The following ADNP variants were observed in gnomAD, a reference collection of about 807,000 sequenced individuals.
ADNP encodes activity dependent neuroprotector homeobox, also known as activity-dependent neuroprotector homeobox protein.
In ADNP, 4 loss-of-function variants were observed where a neutral mutation model predicts 84.9. The ratio of observed to expected loss-of-function variants is 0.05; its 90% confidence interval spans 0.02 to 0.11. ADNP has a LOEUF of 0.11. Among genes scored for constraint, ADNP ranks in the 10% least tolerant of loss-of-function variants. ADNP has a pLI of 1.00. For synonymous variants in ADNP, 554 were observed against 468.1 expected (o/e 1.18, Z -2.37); for missense variants, 1,132 against 1,326.0 (o/e 0.85, Z 2.27).
chr20:50,912,514 A>G (rs542004222), intron 2 of ADNP, among the ~76,000 whole-genome samples: 1 of 152,326 alleles, frequency 6.6e-6, no homozygotes, highest in South Asian at 2.1e-4. Flanking sequence ...TGAAATATAA[A>G]AAAGATAAAA....
chr20:50,900,014 G>C (rs984791005), intron 5 of ADNP, among the ~76,000 whole-genome samples: 3 of 151,884 alleles, frequency 2.0e-5, no homozygotes, highest in Admixed American at 6.6e-5. Flanking sequence ...CAGAAGTTAA[G>C]AATTTTAAAG....
intron 5 of ADNP, among the ~76,000 whole-genome samples, chr20:50,899,867 ATTTTTTTTTT>A (rs142777741): frequency 7.6e-6 from 1 of 131,282 alleles, no homozygotes; most frequent in Non-Finnish European, 1.6e-5. Flanking sequence ...CAGCTGTACA[ATTTTTTTTTT>A]TTTTTTTTTT....
At chr20:50,927,646 T>G (rs1168374432) in intron 2 of ADNP, among the ~76,000 whole-genome samples, 1 of 152,006 alleles carries the variant, frequency 6.6e-6, no homozygotes, top group African/African-American at 2.4e-5. Flanking sequence ...TTCTCCTGCC[T>G]CAGCCTCCCA....
intron 2 of ADNP, among the ~76,000 whole-genome samples, chr20:50,917,400 G>A (rs1382975435): frequency 6.6e-6 from 1 of 152,172 alleles, no homozygotes; most frequent in African/African-American, 2.4e-5. Flanking sequence ...CACCATGGAG[G>A]CCAAGAGTCA....
intron 2 of ADNP, among the ~76,000 whole-genome samples, chr20:50,917,482 C>T (rs1171529184): frequency 1.3e-5 from 2 of 152,222 alleles, no homozygotes; most frequent in African/African-American, 4.8e-5. Flanking sequence ...ATGAAAACCA[C>T]AACCTTGGTA....
Position 50,890,252 on chromosome 20 carries a change from T to C in ADNP, c.*1153A>G, listed in dbSNP as rs535535633. 1.5e-5 allele frequency: 3 copies of C among 196,216 alleles called. No homozygotes were observed. Among genetic ancestry groups the C allele is most frequent in the Non-Finnish European group, 3.1e-5 (3 of 97,234 alleles). 12.2% of individuals were successfully genotyped at this position (196,216 alleles called of 1,614,324 possible). On this transcript the variant is annotated 3_prime_UTR_variant, in exon 6 of 6. Transcript: ENST00000621696. ...GTTTTCCACAAGTTTCCTCTGTGAC[T>C]GTGGCTGCCATCTCTGATGAAAGAG...
At chr20:50,910,014 T>C (rs1384528397) in intron 2 of ADNP, among the ~76,000 whole-genome samples, 1 of 152,188 alleles carries the variant, frequency 6.6e-6, no homozygotes, top group Non-Finnish European at 1.5e-5. Flanking sequence ...CGTTTCTGCC[T>C]AAGCTAAGTT....
intron 2 of ADNP, among the ~76,000 whole-genome samples, chr20:50,924,595 G>C (rs1177273179): frequency 6.6e-6 from 1 of 152,228 alleles, no homozygotes; most frequent in South Asian, 2.1e-4. Context: ...AGAAAATTGG[G>C]AATAGTTTAT....
At position 50,889,242 on chromosome 20, in the gene ADNP, C is replaced by T. The variant is rs1269516324; in HGVS notation, c.*2163G>A. 1.3e-5 allele frequency: 2 copies of T among 152,192 alleles called. No individual in the cohort carries two copies. The highest frequency in any genetic ancestry group is 2.9e-5 in the Non-Finnish European group (2 of 68,042). The allele number at this position is 152,192 out of a possible 1,614,324, so 9.4% of individuals were successfully genotyped here. A position where few individuals can be genotyped will look rare whatever the true frequency, so the allele number is the denominator to read the frequency against. On this transcript the variant is annotated 3_prime_UTR_variant, in exon 6 of 6. Transcript: ENST00000621696. ...CAACTGGGACCTGGACCCCAAGCCC[C>T]GTGGTGTCTTGTACAAGTCTCATTA...
In ADNP at chr20:50,891,230, A is replaced by G; in HGVS notation, c.*175T>C. 1 of 1,357,472 alleles carries G rather than the reference A, an allele frequency of 7.4e-7. No homozygotes were observed. Among genetic ancestry groups the G allele is most frequent in the Non-Finnish European group, 9.4e-7 (1 of 1,061,334 alleles). The allele number at this position is 1,357,472 out of a possible 1,614,324, so 84.1% of individuals were successfully genotyped here. ...GTCTGTCAGAGAAGGTTCTGAAGCA[A>G]GAACAGCCTGTCCTGTCATAGACTT... On this transcript the variant is annotated 3_prime_UTR_variant, in exon 6 of 6. Transcript: ENST00000621696.
rs141336514 is a variant in ADNP, at chr20:50,889,026, A to G, written c.*2379T>C. ...AGCCAACGATCTCCAGATTATTTGA[A>G]AAGCAAACAGTAGCAACAATATTCT... On this transcript the variant is annotated 3_prime_UTR_variant, in exon 6 of 6. Transcript: ENST00000621696. 75 of 152,342 alleles carry G rather than the reference A, an allele frequency of 4.9e-4. 1 individual carries two copies. In the East Asian group the frequency reaches 0.014, roughly 27 times the overall value. The allele number at this position is 152,342 out of a possible 1,614,324, so 9.4% of individuals were successfully genotyped here.
rs1377911980 is a variant in ADNP at position 50,930,426 on chromosome 20, TGTGCGTGGGGGG to T, written c.-265+388_-265+399del. On this transcript the variant is annotated intron_variant, in intron 1 of 5. Transcript: ENST00000621696. ...AGAAGGCTGGTTCAAGGCATGGGGG[TGTGCGTGGGGGG>T]GCTCCTTTTGGGGGTGGGGGGCGGA... is the stretch of plus-strand genomic sequence containing the variant. Among the ~76,000 whole-genome samples the T allele has an allele frequency of 8.0e-4, 109 of 136,242 alleles. 1 individual carries two copies. Among genetic ancestry groups the T allele is most frequent in the Non-Finnish European group, 1.2e-3 (78 of 62,740 alleles). The allele number at this position is 136,242 out of a possible 152,430, so 89.4% of individuals were successfully genotyped here.
Position 50,898,489 on chromosome 20 carries a change from T to G in ADNP, c.201+3528A>C, listed in dbSNP as rs1981637018. On this transcript the variant is annotated intron_variant, in intron 5 of 5. Coordinates refer to ENST00000621696, the MANE Select transcript of ADNP (RefSeq NM_001282531.3). Reference sequence around the variant, plus strand: ...AAGGCCCTTCTTGAATTTTTGTTAGTCTCATTGCCTTCAATGAAGCAGATG... The same window carrying G: ...AAGGCCCTTCTTGAATTTTTGTTAGGCTCATTGCCTTCAATGAAGCAGATG... Among the ~76,000 whole-genome samples, 3 of 152,230 alleles carry G rather than the reference T, an allele frequency of 2.0e-5. No homozygotes were observed. In the South Asian group the frequency reaches 6.2e-4, roughly 31 times the overall value.
Position 50,891,754 on chromosome 20 carries a change from T to C in ADNP, c.2960A>G (p.Asn987Ser), listed in dbSNP as rs568101760. The C allele has an allele frequency of 2.0e-5, 33 of 1,614,208 alleles. No homozygotes were observed. Among genetic ancestry groups the C allele is most frequent in the Middle Eastern group, 1.6e-4 (1 of 6,062 alleles). Reference sequence around the variant, plus strand: ...GGTTCCTGGTTTCATTTCGCAGGTATTGTCCTCAAAGTCTGACACTTGTTG... The same window carrying C: ...GGTTCCTGGTTTCATTTCGCAGGTACTGTCCTCAAAGTCTGACACTTGTTG... ...GSQQVSDFED[N>S]TCEMKPGTWS... Residue 987 changes from asparagine to serine, a missense_variant, in exon 6 of 6, where the codon AAT becomes AGT. Transcript: ENST00000621696.
At chr20:50,903,447 TAGA>T (rs1459896480) in intron 4 of ADNP, among the ~76,000 whole-genome samples, 2 of 152,094 alleles carry the variant, frequency 1.3e-5, no homozygotes, top group Admixed American at 6.5e-5. Flanking sequence ...CCTCAACAAT[TAGA>T]AGAAGGTCAA....
intron 2 of ADNP, among the ~76,000 whole-genome samples, chr20:50,921,661 G>T (rs192012916): frequency 1.3e-5 from 2 of 152,296 alleles, no homozygotes; most frequent in Admixed American, 1.3e-4. Flanking sequence ...AGAACCAGTT[G>T]TTTTCAGGCT....
intron 5 of ADNP, among the ~76,000 whole-genome samples, chr20:50,895,274 T>A (rs1600938201): frequency 6.6e-6 from 1 of 152,244 alleles, no homozygotes; most frequent in Non-Finnish European, 1.5e-5. Flanking sequence ...ACGCCTAGGC[T>A]ACATGGCATA....
At position 50,911,298 on chromosome 20, in the gene ADNP, TGA is replaced by T. The variant is rs1351644477; in HGVS notation, c.-89-6451_-89-6450del. Among the ~76,000 whole-genome samples the T allele has an allele frequency of 2.6e-5, 4 of 152,222 alleles. 1 individual carries two copies. The highest frequency in any genetic ancestry group is 4.1e-4 in the South Asian group (2 of 4,828). ...AATTCTTTGCCTAGACCAATGTCCA[TGA>T]GAGTTTCCCCCAGGTTTCCCTAGTT... is the stretch of plus-strand genomic sequence containing the variant. On this transcript the variant is annotated intron_variant, in intron 2 of 5. Transcript: ENST00000621696.
At position 50,889,494 on chromosome 20, in the gene ADNP, T is replaced by C. The variant is rs1600920397; in HGVS notation, c.*1911A>G. 1 of 177,330 alleles carries C rather than the reference T, an allele frequency of 5.6e-6. No homozygotes were observed. The highest frequency in any genetic ancestry group is 1.2e-5 in the Non-Finnish European group (1 of 84,798). The allele number at this position is 177,330 out of a possible 1,614,324, so 11.0% of individuals were successfully genotyped here. A position where few individuals can be genotyped will look rare whatever the true frequency, so the allele number is the denominator to read the frequency against. On this transcript the variant is annotated 3_prime_UTR_variant, in exon 6 of 6. Transcript: ENST00000621696. ...CCAGCCCCAAATTCCTTAAAGGTTC[T>C]AGTCTACTCTTGCACTTCTTCCTGT...
Sources: allele counts gnomAD v4.1 joint callset (sites outside exome capture counted in the v4.1 genomes callset), GRCh38; gene constraint gnomAD v4.1.1; transcripts MANE v1.5; gene names NCBI Gene and HGNC (gene_info 2026-07-23, HGNC 2026-07-21).